The following SORBS2 variants were observed in gnomAD, a reference collection of about 807,000 sequenced individuals.
SORBS2 encodes sorbin and SH3 domain-containing protein 2.
SORBS2 carries 46 observed loss-of-function variants against 97.7 expected under a neutral mutation model. That is an observed-to-expected ratio of 0.47 (90% CI 0.37 to 0.60). The LOEUF (loss-of-function observed/expected upper bound fraction) is 0.60, where lower values mean the gene tolerates loss of function less well. SORBS2 is among the 20% of genes least tolerant of loss of function. The probability of loss-of-function intolerance (pLI) is 0.00; values close to 1 mark genes in which losing one functional copy is unlikely to be tolerated. For missense variants in SORBS2, 1,316 were observed against 1,282.3 expected (o/e 1.03, Z -0.40); for synonymous variants, 476 against 473.4 (o/e 1.01, Z -0.07).
intron 2 of SORBS2, among the ~76,000 whole-genome samples, chr4:185,687,708 C>G (rs1002422741): frequency 1.3e-5 from 2 of 152,104 alleles, no homozygotes; most frequent in Non-Finnish European, 2.9e-5. Context: ...TTAGGAAGCT[C>G]TAAGTCTTAG....
chr4:185,917,289 C>G (rs10008724), intron 1 of SORBS2, among the ~76,000 whole-genome samples: 4,807 of 152,264 alleles, frequency 0.032, 138 homozygotes, highest in East Asian at 0.14. Context: ...TGCAGTGGCA[C>G]GATCTCAGCT....
intron 2 of SORBS2, among the ~76,000 whole-genome samples, chr4:185,700,030 T>C (rs990786633): frequency 3.3e-5 from 5 of 152,192 alleles, no homozygotes; most frequent in African/African-American, 1.2e-4. Context: ...GTGTGTTTAT[T>C]GATTCTGCAG....
At chr4:185,832,145 G>A (rs1273181966) in intron 1 of SORBS2, among the ~76,000 whole-genome samples, 3 of 152,130 alleles carry the variant, frequency 2.0e-5, no homozygotes, top group Admixed American at 6.5e-5. Flanking sequence ...TTGCACTTAT[G>A]CCATGATAGA....
At chr4:185,678,459 A>G (rs1231927094) in exon 4 of SORBS2, 1 of 1,550,960 alleles carries the variant, frequency 6.4e-7, no homozygotes, top group Admixed American at 2.0e-5. Context: ...GGTTTGGTCG[A>G]ACGCTTCTAA....
chr4:185,628,154 G>T (rs1195217078), intron 5 of SORBS2, among the ~76,000 whole-genome samples: 2 of 152,046 alleles, frequency 1.3e-5, no homozygotes, highest in African/African-American at 4.8e-5. Flanking sequence ...ACCACCTGCT[G>T]GTTTTTGTGT....
intron 1 of SORBS2, among the ~76,000 whole-genome samples, chr4:185,937,218 G>A (rs955947619): frequency 1.3e-5 from 2 of 152,132 alleles, no homozygotes; most frequent in South Asian, 2.1e-4. Flanking sequence ...GAGAACTGGA[G>A]GAGCATGTTT....
intron 1 of SORBS2, among the ~76,000 whole-genome samples, chr4:185,946,949 G>A (rs941476017): frequency 6.6e-6 from 1 of 152,162 alleles, no homozygotes; most frequent in African/African-American, 2.4e-5. Flanking sequence ...ACCTCTCCCT[G>A]GGGTGTACCC....
At chr4:185,621,003 A>T (rs2096711829) in intron 7 of SORBS2, among the ~76,000 whole-genome samples, 1 of 152,212 alleles carries the variant, frequency 6.6e-6, no homozygotes, top group Admixed American at 6.5e-5. Context: ...CGTGACTTAC[A>T]TATGGAGATG....
Position 185,743,905 on chromosome 4 carries a change from T to C in SORBS2, c.-198+31322A>G, listed in dbSNP as rs1432998199. Among the ~76,000 whole-genome samples, 5 of 141,702 alleles carry C rather than the reference T, an allele frequency of 3.5e-5. No individual in the cohort carries two copies. The East Asian group carries it at 6.5e-4, about 18-fold the overall frequency. 93.0% of individuals were successfully genotyped at this position (141,702 alleles called of 152,430 possible). ...TTCTCCTCCTCCTTCTTCTTCTCCT[T>C]CTCCTTCTTCTATTTTCTTTCCTCC... is the stretch of plus-strand genomic sequence containing the variant. On this transcript the variant is annotated intron_variant, in intron 2 of 20. Coordinates refer to the SORBS2 transcript ENST00000284776.
Position 185,807,045 on chromosome 4 carries a change from T to TC in SORBS2, c.-337-31680dup, listed in dbSNP as rs1427665731. 2.6e-5 allele frequency among the ~76,000 whole-genome samples: 4 copies of TC among 152,202 alleles called. No individual in the cohort carries two copies. The East Asian group carries it at 5.8e-4, about 22-fold the overall frequency. ...ATTTACTTTAACCACTGGGAAAACA[T>TC]CTCAGAGGGAAGAGAGAAAAACTGA... is the stretch of plus-strand genomic sequence containing the variant. On this transcript the variant is annotated intron_variant, in intron 1 of 20. Transcript: ENST00000284776.
intron 1 of SORBS2, among the ~76,000 whole-genome samples, chr4:185,806,890 T>A (rs2099159307): frequency 6.6e-6 from 1 of 152,174 alleles, no homozygotes; most frequent in Non-Finnish European, 1.5e-5. Context: ...GTTGCCCCTG[T>A]CCTCAAATTC....
At chr4:185,929,226 C>A (rs1011979785) in intron 1 of SORBS2, among the ~76,000 whole-genome samples, 3 of 152,182 alleles carry the variant, frequency 2.0e-5, no homozygotes, top group African/African-American at 7.2e-5. Flanking sequence ...TCTGGGTCTG[C>A]AAGTCTGGGA....
chr4:185,929,717 G>A (rs2099265528), intron 1 of SORBS2, among the ~76,000 whole-genome samples: 2 of 152,060 alleles, frequency 1.3e-5, no homozygotes, highest in African/African-American at 4.8e-5. Flanking sequence ...TGTATTTTTA[G>A]TAGAGTTGGG....
intron 4 of SORBS2, among the ~76,000 whole-genome samples, chr4:185,665,149 A>T (rs2097578255): frequency 2.0e-5 from 3 of 152,240 alleles, no homozygotes; most frequent in African/African-American, 7.2e-5. Flanking sequence ...AGGAAGAATA[A>T]TTTTTAAAAA....
intron 2 of SORBS2, among the ~76,000 whole-genome samples, chr4:185,713,437 G>A (rs956854980): frequency 3.9e-5 from 6 of 152,102 alleles, no homozygotes; most frequent in African/African-American, 1.4e-4. Flanking sequence ...CCACCACAAG[G>A]ATTAGCTCAG....
chr4:185,723,007 C>T (rs1562126284), intron 2 of SORBS2, among the ~76,000 whole-genome samples: 1 of 152,142 alleles, frequency 6.6e-6, no homozygotes, highest in African/African-American at 2.4e-5. Flanking sequence ...GTATCTGCAT[C>T]TGTATATGGG....
chr4:185,864,595 A>C (rs1013197818), intron 1 of SORBS2, among the ~76,000 whole-genome samples: 17 of 152,176 alleles, frequency 1.1e-4, no homozygotes, highest in African/African-American at 3.9e-4. Flanking sequence ...TACTAAGAGA[A>C]AACGCCTTGG....
At chr4:185,720,541 A>G (rs1235938943) in intron 2 of SORBS2, among the ~76,000 whole-genome samples, 2 of 151,804 alleles carry the variant, frequency 1.3e-5, no homozygotes, top group Admixed American at 1.3e-4. Context: ...TAAAGACTGT[A>G]TTTCCTTTCT....
chr4:185,691,523 T>G (rs1297062351), intron 2 of SORBS2, among the ~76,000 whole-genome samples: 3 of 152,140 alleles, frequency 2.0e-5, no homozygotes, highest in African/African-American at 7.2e-5. Flanking sequence ...GCAGGTCAGT[T>G]GACTACCGGG....
Sources: gnomAD v4.1 joint callset for allele counts (sites outside exome capture counted in the v4.1 genomes callset) on GRCh38, gnomAD v4.1.1 for gene constraint, MANE v1.5 for transcripts, NCBI Gene and HGNC (gene_info 2026-07-23, HGNC 2026-07-21) for gene names.